The following ERG variants were observed in gnomAD, a reference collection of about 807,000 sequenced individuals.
The protein encoded by ERG is transcriptional regulator ERG.
Under a neutral mutation model 55.3 loss-of-function variants are expected in ERG, and 9 were observed. The ratio of observed to expected loss-of-function variants is 0.16; its 90% CI spans 0.10 to 0.28. The LOEUF (loss-of-function observed/expected upper bound fraction) is 0.28, where lower values mean the gene tolerates loss of function less well. Ranked by LOEUF, ERG falls within the 10% of genes least tolerant of loss-of-function variation. The pLI is 1.00. For missense variants in ERG, 434 were observed against 631.6 expected, an observed-to-expected ratio of 0.69 and a Z score of 3.35; for synonymous variants, 223 against 237.3, an observed-to-expected ratio of 0.94 and a Z score of 0.55.
chr21:38,640,115 A>G (rs2060414563), intron 1 of ERG, among the ~76,000 whole-genome samples: 1 of 152,222 alleles, frequency 6.6e-6, no homozygotes, highest in Non-Finnish European at 1.5e-5. Flanking sequence ...AAACCAAGGC[A>G]ATAAAAAAAT....
At chr21:38,640,219 C>T (rs1038928413) in intron 1 of ERG, among the ~76,000 whole-genome samples, 3 of 151,920 alleles carry the variant, frequency 2.0e-5, no homozygotes, top group Non-Finnish European at 4.4e-5. Flanking sequence ...TTGAAAAAAT[C>T]GAACATTACA....
chr21:38,483,578 G>A (rs1173442215), intron 1 of ERG, among the ~76,000 whole-genome samples: 2 of 152,202 alleles, frequency 1.3e-5, no homozygotes, highest in Admixed American at 1.3e-4. Context: ...GCCAGGCATG[G>A]TGGCTCACGC....
At chr21:38,506,380 G>A (rs991745076) in intron 2 of ERG, among the ~76,000 whole-genome samples, 1 of 152,098 alleles carries the variant, frequency 6.6e-6, no homozygotes, top group Admixed American at 6.6e-5. Flanking sequence ...AAGTGTTATA[G>A]GAGGAATATG....
Position 38,508,236 on chromosome 21 carries a change from C to T in ERG, c.-41+67426G>A, listed in dbSNP as rs565587861. 9.2e-5 allele frequency among the ~76,000 whole-genome samples: 14 copies of T among 152,098 alleles called. No individual in the cohort carries two copies. The South Asian group carries it at 1.0e-3, about 11-fold the overall frequency. On this transcript the variant is annotated intron_variant, in intron 2 of 8. Coordinates refer to the ERG transcript ENST00000398897. ...TCTCTCCCAAGTCTAGCTGCAGGCC[C>T]TGTGAGCTGTGGAAGTGGCTTTTTT...
At chr21:38,550,383 A>C (rs1336043088) in intron 2 of ERG, among the ~76,000 whole-genome samples, 2 of 152,150 alleles carry the variant, frequency 1.3e-5, no homozygotes, top group African/African-American at 4.8e-5. Flanking sequence ...GTGCCCCCAA[A>C]ATTCATGGGT....
At chr21:38,587,892 G>C (rs2060076089), upstream of ERG, among the ~76,000 whole-genome samples, 5 of 152,232 alleles carry the variant, frequency 3.3e-5, no homozygotes, top group South Asian at 1.0e-3. Context: ...ATTTATGGTT[G>C]AGACATTGTT....
At chr21:38,397,596 CAAAA>C (rs61047146) in intron 6 of ERG, among the ~76,000 whole-genome samples, 2 of 67,164 alleles carry the variant, frequency 3.0e-5, no homozygotes, top group Non-Finnish European at 2.6e-5. Flanking sequence ...GACTCCATCT[CAAAA>C]AAAAAAAAAA....
chr21:38,392,173 T>C (rs1988002244), intron 7 of ERG: 2 of 673,444 alleles, frequency 3.0e-6, no homozygotes, highest in Non-Finnish European at 5.4e-6. Flanking sequence ...ATCATTCCTT[T>C]ATTTTTGTTA....
intron 1 of ERG, among the ~76,000 whole-genome samples, chr21:38,611,498 G>A (rs1023027759): frequency 1.3e-5 from 2 of 151,248 alleles, no homozygotes; most frequent in Non-Finnish European, 3.0e-5. Flanking sequence ...AAGCTCAGAA[G>A]GCAACTGGCA....
intron 1 of ERG, among the ~76,000 whole-genome samples, chr21:38,623,247 CCA>C (rs1364617972): frequency 5.3e-5 from 8 of 150,248 alleles, no homozygotes; most frequent in African/African-American, 2.0e-4. Context: ...TGCATACACA[CCA>C]CAGAGCACAC....
intron 2 of ERG, among the ~76,000 whole-genome samples, chr21:38,514,561 TA>T (rs1423774146): frequency 6.6e-6 from 1 of 151,900 alleles, no homozygotes; most frequent in Non-Finnish European, 1.5e-5. Context: ...AAATTCTTAG[TA>T]AATTAGAAAT....
At chr21:38,368,056 C>G in the ERG span, among the ~76,000 whole-genome samples, 3 of 152,114 alleles carry the variant, frequency 2.0e-5, no homozygotes, top group Non-Finnish European at 2.9e-5. Context: ...ATTGTATATA[C>G]AGAACAGTGT....
chr21:38,492,081 C>T (rs1250990619), intron 1 of ERG, among the ~76,000 whole-genome samples: 1 of 150,382 alleles, frequency 6.6e-6, no homozygotes, highest in Non-Finnish European at 1.5e-5. Context: ...TTTCTCTGCA[C>T]AGTAATTCAC....
At chr21:38,576,230 C>T (rs3761364) in intron 1 of ERG, among the ~76,000 whole-genome samples, 14,701 of 152,284 alleles carry the variant, frequency 0.097, 838 homozygotes, top group South Asian at 0.15. Flanking sequence ...AGTACTTCAG[C>T]GCCAGTTCCT....
At chr21:38,648,772 G>A (rs1056961291) in intron 1 of ERG, among the ~76,000 whole-genome samples, 2 of 152,208 alleles carry the variant, frequency 1.3e-5, no homozygotes, top group African/African-American at 4.8e-5. Context: ...AGAAAGCAGG[G>A]GCAGGATATT....
intron 1 of ERG, among the ~76,000 whole-genome samples, chr21:38,455,503 T>G (rs948490638): frequency 6.6e-6 from 1 of 152,142 alleles, no homozygotes; most frequent in African/African-American, 2.4e-5. Context: ...CAGAAGGAGC[T>G]CCGTGAAAAA....
intron 2 of ERG, among the ~76,000 whole-genome samples, chr21:38,509,352 A>C (rs1160963151): frequency 1.3e-5 from 2 of 152,370 alleles, no homozygotes; most frequent in Non-Finnish European, 2.9e-5. Flanking sequence ...ATTGTCGGTC[A>C]CTGGAGGTGC....
intron 1 of ERG, among the ~76,000 whole-genome samples, chr21:38,620,055 G>C (rs1054257767): frequency 1.3e-5 from 2 of 152,194 alleles, no homozygotes; most frequent in Non-Finnish European, 2.9e-5. Context: ...CGCCAGCCAA[G>C]CTAAAGTGCT....
intron 1 of ERG, among the ~76,000 whole-genome samples, chr21:38,581,143 C>G (rs1425335806): frequency 2.6e-5 from 4 of 152,096 alleles, no homozygotes; most frequent in Non-Finnish European, 5.9e-5. Flanking sequence ...TGCCCCAGCA[C>G]CTGGGGCATG....
Sources: gnomAD v4.1 joint callset for allele counts (sites outside exome capture counted in the v4.1 genomes callset) on GRCh38, gnomAD v4.1.1 for gene constraint, MANE v1.5 for transcripts, NCBI Gene and HGNC (gene_info 2026-07-23, HGNC 2026-07-21) for gene names.